The following ADGRB3 variants were observed in gnomAD, a reference collection of about 807,000 sequenced individuals.
ADGRB3 encodes brain-specific angiogenesis inhibitor 3.
ADGRB3 carries 37 observed loss-of-function variants against 193.4 expected under a neutral mutation model. The observed-to-expected ratio is 0.19, with a 90% CI of 0.15 to 0.25. The LOEUF is 0.25. ADGRB3 is among the 10% of genes least tolerant of loss of function. The pLI, the probability that ADGRB3 is intolerant of heterozygous loss-of-function variation, is 1.00. For missense variants in ADGRB3, 1,637 were observed against 1,852.9 expected, an observed-to-expected ratio of 0.88 and a Z score of 2.14; for synonymous variants, 690 against 644.2, an observed-to-expected ratio of 1.07 and a Z score of -1.08.
At chr6:68,766,863 A>G (rs1286027914) in intron 3 of ADGRB3, among the ~76,000 whole-genome samples, 2 of 152,052 alleles carry the variant, frequency 1.3e-5, no homozygotes, top group Admixed American at 6.6e-5. Flanking sequence ...CTAGTTATGT[A>G]GAGATTAAAT....
At chr6:69,387,911 A>G (rs1383905165) in intron 31 of ADGRB3, among the ~76,000 whole-genome samples, 2 of 152,118 alleles carry the variant, frequency 1.3e-5, no homozygotes, top group African/African-American at 4.8e-5. Context: ...ATGACATTCT[A>G]TAATGAAAAA....
intron 17 of ADGRB3, among the ~76,000 whole-genome samples, chr6:69,135,042 G>A (rs1449858522): frequency 2.6e-5 from 4 of 151,934 alleles, no homozygotes; most frequent in South Asian, 2.1e-4. Flanking sequence ...TTTCTGAGGG[G>A]TATAAATTTC....
At chr6:69,111,703 G>A (rs1281155554) in intron 17 of ADGRB3, among the ~76,000 whole-genome samples, 2 of 152,106 alleles carry the variant, frequency 1.3e-5, no homozygotes, top group African/African-American at 2.4e-5. Flanking sequence ...TCTTGGATAT[G>A]AAACCAAGAT....
At chr6:69,048,418 A>T in intron 14 of ADGRB3, 84 bp downstream of exon 14, 2 of 1,330,058 alleles carry the variant, frequency 1.5e-6, no homozygotes, top group Non-Finnish European at 2.1e-6. Flanking sequence ...ATCTTCATAC[A>T]TTAAACAGTT....
chr6:69,058,919 CTGT>C (rs1019798647), intron 15 of ADGRB3, among the ~76,000 whole-genome samples: 5 of 152,026 alleles, frequency 3.3e-5, no homozygotes, highest in Non-Finnish European at 7.4e-5. Flanking sequence ...GTGTATTCTG[CTGT>C]TGTTGTATGG....
intron 3 of ADGRB3, among the ~76,000 whole-genome samples, chr6:68,705,899 G>A (rs774063936): frequency 2.0e-5 from 3 of 152,176 alleles, no homozygotes; most frequent in East Asian, 3.9e-4. Context: ...CAGGGGTGAG[G>A]AGTGATTCTG....
chr6:69,288,706 G>A (rs1187749708), intron 20 of ADGRB3, among the ~76,000 whole-genome samples: 1 of 152,176 alleles, frequency 6.6e-6, no homozygotes, highest in Non-Finnish European at 1.5e-5. Flanking sequence ...TTCCTGGGCA[G>A]GTGTGTGGCT....
intron 3 of ADGRB3, among the ~76,000 whole-genome samples, chr6:68,675,103 G>A (rs1769057950): frequency 6.6e-6 from 1 of 152,126 alleles, no homozygotes; most frequent in African/African-American, 2.4e-5. Flanking sequence ...ATGCAGTTTA[G>A]TTGCTTGTGG....
At chr6:68,659,425 A>G (rs1768570424) in intron 3 of ADGRB3, among the ~76,000 whole-genome samples, 1 of 150,798 alleles carries the variant, frequency 6.6e-6, no homozygotes, top group African/African-American at 2.4e-5. Context: ...TGTAAAGTAC[A>G]TAAGATGATT....
intron 8 of ADGRB3, among the ~76,000 whole-genome samples, chr6:68,971,046 T>C (rs1329594065): frequency 2.0e-5 from 3 of 152,144 alleles, no homozygotes; most frequent in African/African-American, 7.2e-5. Flanking sequence ...AAGTAAAAAA[T>C]GCCACTCAGA....
At chr6:68,715,309 TTCTG>T (rs1765472011) in intron 3 of ADGRB3, among the ~76,000 whole-genome samples, 1 of 151,686 alleles carries the variant, frequency 6.6e-6, no homozygotes, top group Non-Finnish European at 1.5e-5. Context: ...TTTATCCTGC[TTCTG>T]TCTGTCTCAT....
intron 28 of ADGRB3, among the ~76,000 whole-genome samples, chr6:69,357,423 ATCC>A (rs1769358950): frequency 6.6e-6 from 1 of 152,046 alleles, no homozygotes; most frequent in Non-Finnish European, 1.5e-5. Context: ...TTAGCATACT[ATCC>A]ATTTCCATTG....
intron 16 of ADGRB3, among the ~76,000 whole-genome samples, chr6:69,069,456 A>G (rs1772006890): frequency 6.7e-6 from 1 of 149,998 alleles, no homozygotes; most frequent in Admixed American, 6.7e-5. Context: ...CTGAAGTATC[A>G]TTAAAATTAT....
chr6:69,253,373 T>C (rs753558609), intron 20 of ADGRB3, among the ~76,000 whole-genome samples: 2 of 152,098 alleles, frequency 1.3e-5, no homozygotes, highest in Non-Finnish European at 1.5e-5. Context: ...CTTAGTATTA[T>C]ATTGATTGAA....
intron 20 of ADGRB3, among the ~76,000 whole-genome samples, chr6:69,312,128 C>T (rs1768208153): frequency 6.6e-6 from 1 of 151,850 alleles, no homozygotes; most frequent in East Asian, 2.0e-4. Flanking sequence ...GAATCTCACT[C>T]TTTCCCTGAT....
intron 15 of ADGRB3, among the ~76,000 whole-genome samples, chr6:69,052,178 G>T (rs773701195): frequency 1.3e-5 from 2 of 152,014 alleles, no homozygotes; most frequent in Non-Finnish European, 2.9e-5. Context: ...ATGAGCCACC[G>T]CAGTAATAAT....
intron 20 of ADGRB3, among the ~76,000 whole-genome samples, chr6:69,289,768 GTC>G (rs1402023424): frequency 9.2e-5 from 14 of 151,910 alleles, no homozygotes; most frequent in African/African-American, 3.4e-4. Context: ...CAGGGAAGCA[GTC>G]TCTCTGGCTT....
At position 69,338,959 on chromosome 6, in the gene ADGRB3, A is replaced by G. The variant is rs759478038; in HGVS notation, c.3232A>G (p.Lys1078Glu). The G allele has an allele frequency of 1.9e-6, 3 of 1,613,842 alleles. No individual in the cohort carries two copies. The South Asian group carries it at 3.3e-5, about 18-fold the overall frequency. The change falls in exon 25 of 32, where the codon AAG becomes GAG. Residue 1078 changes from lysine to glutamate, a missense_variant. Coordinates refer to ENST00000370598, the MANE Select transcript of ADGRB3 (RefSeq NM_001704.3). ...TAGCGGTTTGACGCTCAAATGTGCCAAGTGTGGAGTAGTTTCAACAACAGC... is the reference window on the plus strand; with the variant it reads ...TAGCGGTTTGACGCTCAAATGTGCCGAGTGTGGAGTAGTTTCAACAACAGC... ...PHSGLTLKCA[K>E]CGVVSTTALS... is the part of the protein sequence containing the mutation.
At chr6:69,151,752 A>G (rs1041087688) in intron 17 of ADGRB3, among the ~76,000 whole-genome samples, 10 of 152,288 alleles carry the variant, frequency 6.6e-5, no homozygotes, top group African/African-American at 2.4e-4. Flanking sequence ...TATTATACAG[A>G]AAGACTTGAC....
Sources: gnomAD v4.1 joint callset for allele counts (sites outside exome capture counted in the v4.1 genomes callset) on GRCh38, gnomAD v4.1.1 for gene constraint, MANE v1.5 for transcripts, NCBI Gene and HGNC (gene_info 2026-07-23, HGNC 2026-07-21) for gene names.